The following KCTD8 variants were observed in gnomAD, a reference collection of about 807,000 sequenced individuals.
KCTD8 encodes the protein potassium channel tetramerization domain containing 8, also known as BTB/POZ domain-containing protein KCTD8.
A neutral mutation model predicts 31.5 loss-of-function variants in KCTD8; 27 were observed. The observed-to-expected ratio is 0.86, with a 90% CI of 0.63 to 1.18. The LOEUF (loss-of-function observed/expected upper bound fraction) is 1.18, where lower values mean the gene tolerates loss of function less well. Among genes scored for constraint, KCTD8 ranks in the 50% most tolerant of loss-of-function variants. The pLI, the probability that KCTD8 is intolerant of heterozygous loss-of-function variation, is 0.00. For synonymous variants in KCTD8, 290 were observed against 280.0 expected, an observed-to-expected ratio of 1.04 and a Z score of -0.36; for missense variants, 658 against 647.7, an observed-to-expected ratio of 1.02 and a Z score of -0.17.
At chr4:44,184,283 GGTCATAGAGGA>G (rs1713515687) in intron 1 of KCTD8, among the ~76,000 whole-genome samples, 1 of 152,106 alleles carries the variant, frequency 6.6e-6, no homozygotes, top group Non-Finnish European at 1.5e-5. Context: ...GAAACTTACA[GGTCATAGAGGA>G]GACGTCTTCA....
At chr4:44,272,925 T>C (rs1056305008) in intron 1 of KCTD8, among the ~76,000 whole-genome samples, 2 of 152,044 alleles carry the variant, frequency 1.3e-5, no homozygotes, top group Admixed American at 6.6e-5. Flanking sequence ...GGGTTGTTGA[T>C]AGTTCCAAAA....
At chr4:44,415,855 T>C (rs1476075707) in intron 1 of KCTD8, among the ~76,000 whole-genome samples, 1 of 152,116 alleles carries the variant, frequency 6.6e-6, no homozygotes, top group Non-Finnish European at 1.5e-5. Flanking sequence ...ACCAGGGCAA[T>C]GTCAAGGGAA....
At position 44,240,174 on chromosome 4, in the gene KCTD8, T is replaced by C. The variant is rs578206975; in HGVS notation, c.962-64924A>G. On this transcript the variant is annotated intron_variant, in intron 1 of 1. Coordinates refer to ENST00000360029, the MANE Select transcript of KCTD8 (RefSeq NM_198353.3). The stretch of plus-strand genomic sequence containing the variant: ...GATACTAACAGATGATTTACTGAAA[T>C]TGAGATACAACTATTGCCTTTTTGG... Among the ~76,000 whole-genome samples, 10 of 152,350 alleles carry C rather than the reference T, an allele frequency of 6.6e-5. No individual in the cohort carries two copies. The East Asian group carries it at 1.9e-3, about 29-fold the overall frequency.
chr4:44,264,067 T>C lies in KCTD8; in HGVS notation c.962-88817A>G, dbSNP rs555283206. On this transcript the variant is annotated intron_variant, in intron 1 of 1. Transcript: ENST00000360029. ...TCTCATCTGTAAGATTCACATAATA[T>C]CAGCTTCTATCTCAAGGAATAATTA... 3.9e-5 allele frequency among the ~76,000 whole-genome samples: 6 copies of C among 152,304 alleles called. No homozygotes were observed. The South Asian group carries it at 1.2e-3, about 32-fold the overall frequency.
At chr4:44,349,475 C>T (rs1414670319) in intron 1 of KCTD8, among the ~76,000 whole-genome samples, 1 of 152,082 alleles carries the variant, frequency 6.6e-6, no homozygotes, top group Admixed American at 6.6e-5. Context: ...GCACCCTTGC[C>T]GTGTTCTGTC....
chr4:44,218,345 G>C (rs1006786883), intron 1 of KCTD8, among the ~76,000 whole-genome samples: 1 of 151,130 alleles, frequency 6.6e-6, no homozygotes, highest in African/African-American at 2.4e-5. Flanking sequence ...CATTGGCCAG[G>C]CTGGTCTCGA....
intron 1 of KCTD8, among the ~76,000 whole-genome samples, chr4:44,340,164 T>C (rs969920011): frequency 9.2e-5 from 14 of 152,158 alleles, no homozygotes; most frequent in African/African-American, 3.4e-4. Context: ...TAAAATGAAA[T>C]AGACACATAA....
intron 1 of KCTD8, among the ~76,000 whole-genome samples, chr4:44,411,282 G>A (rs1445232794): frequency 1.3e-5 from 2 of 150,644 alleles, no homozygotes; most frequent in Non-Finnish European, 2.9e-5. Flanking sequence ...AGAAACTGAA[G>A]TGGGAGAAAC....
intron 1 of KCTD8, among the ~76,000 whole-genome samples, chr4:44,277,822 T>C (rs1367800987): frequency 1.3e-5 from 2 of 151,866 alleles, no homozygotes; most frequent in Non-Finnish European, 2.9e-5. Flanking sequence ...AACCAGTAAG[T>C]TGTGGAATTG....
chr4:44,371,562 GA>G (rs1225441948), intron 1 of KCTD8, among the ~76,000 whole-genome samples: 1 of 152,148 alleles, frequency 6.6e-6, no homozygotes, highest in Non-Finnish European at 1.5e-5. Context: ...AAAGGATATT[GA>G]AAGCATTGGA....
chr4:44,314,904 A>T (rs1277872363), intron 1 of KCTD8, among the ~76,000 whole-genome samples: 1 of 150,684 alleles, frequency 6.6e-6, no homozygotes, highest in East Asian at 1.9e-4. Context: ...AAAAAAAAAA[A>T]CTTATACTCC....
At chr4:44,342,366 C>CAA (rs34201696) in intron 1 of KCTD8, among the ~76,000 whole-genome samples, 22 of 87,420 alleles carry the variant, frequency 2.5e-4, no homozygotes, top group East Asian at 3.1e-4. Flanking sequence ...AAGACTGTCT[C>CAA]AAAAAAAAAA....
In KCTD8 at chr4:44,397,503, A is replaced by G. The variant is rs139739920; in HGVS notation, c.961+50060T>C. 3.8e-3 allele frequency among the ~76,000 whole-genome samples: 577 copies of G among 152,306 alleles called. 2 individuals carry two copies. Among genetic ancestry groups the G allele is most frequent in the African/African-American group, 0.013 (548 of 41,592 alleles). On this transcript the variant is annotated intron_variant, in intron 1 of 1. Transcript: ENST00000360029. ...CACATACACATATAAACATACATACATATACACAAAAGACAATAATTAGAT... is the reference window on the plus strand; with the variant it reads ...CACATACACATATAAACATACATACGTATACACAAAAGACAATAATTAGAT...
intron 1 of KCTD8, among the ~76,000 whole-genome samples, chr4:44,192,692 T>A (rs1448145489): frequency 6.6e-6 from 1 of 152,170 alleles, no homozygotes; most frequent in African/African-American, 2.4e-5. Context: ...GGATGTAAAG[T>A]ATAGATCCTG....
At chr4:44,441,009 A>T (rs982030614) in intron 1 of KCTD8, among the ~76,000 whole-genome samples, 1 of 152,206 alleles carries the variant, frequency 6.6e-6, no homozygotes, top group Non-Finnish European at 1.5e-5. Context: ...ATACAACTAA[A>T]TTTGTATGAC....
intron 1 of KCTD8, among the ~76,000 whole-genome samples, chr4:44,334,845 G>A (rs1307644649): frequency 6.6e-6 from 1 of 152,024 alleles, no homozygotes; most frequent in Non-Finnish European, 1.5e-5. Flanking sequence ...TTGCTCAATT[G>A]CTTAATAATC....
At chr4:44,425,173 G>C (rs1721314392) in intron 1 of KCTD8, among the ~76,000 whole-genome samples, 1 of 151,996 alleles carries the variant, frequency 6.6e-6, no homozygotes, top group Non-Finnish European at 1.5e-5. Context: ...CATCCAGTCT[G>C]TGGTACTTTG....
chr4:44,352,325 T>C (rs1719224528), intron 1 of KCTD8, among the ~76,000 whole-genome samples: 1 of 151,824 alleles, frequency 6.6e-6, no homozygotes, highest in South Asian at 2.1e-4. Flanking sequence ...CTAGGGTTTC[T>C]CAAAGATAAT....
intron 1 of KCTD8, among the ~76,000 whole-genome samples, chr4:44,265,060 G>A (rs946991182): frequency 6.6e-6 from 1 of 152,158 alleles, no homozygotes; most frequent in African/African-American, 2.4e-5. Context: ...GCACGCAGCT[G>A]GAGATCTGAG....
Sources: allele counts gnomAD v4.1 joint callset (sites outside exome capture counted in the v4.1 genomes callset), GRCh38; gene constraint gnomAD v4.1.1; transcripts MANE v1.5; gene names NCBI Gene and HGNC (gene_info 2026-07-23, HGNC 2026-07-21).